CAPRIN1: variants seen among roughly 807,000 people sequenced by gnomAD.
CAPRIN1 encodes cell cycle associated protein 1, also known as caprin-1.
A neutral mutation model predicts 100.9 loss-of-function variants in CAPRIN1; 29 were observed. The ratio of observed to expected loss-of-function variants is 0.29; its 90% CI spans 0.21 to 0.39. The LOEUF is 0.39. Ranked by LOEUF, CAPRIN1 falls within the 10% of genes least tolerant of loss-of-function variation. The probability of loss-of-function intolerance (pLI) is 1.00; values close to 1 mark genes in which losing one functional copy is unlikely to be tolerated. For missense variants in CAPRIN1, 795 were observed against 876.7 expected (o/e 0.91, Z 1.18); for synonymous variants, 338 against 307.5 (o/e 1.10, Z -1.04).
At chr11:34,074,671 T>G (rs964554115) in intron 4 of CAPRIN1, among the ~76,000 whole-genome samples, 3 of 152,236 alleles carry the variant, frequency 2.0e-5, no homozygotes, top group Middle Eastern at 3.4e-3. Context: ...TCACCTGAGG[T>G]CAGAAGTTCG....
At chr11:34,058,503 TG>T (rs1850503579) in intron 2 of CAPRIN1, among the ~76,000 whole-genome samples, 1 of 152,258 alleles carries the variant, frequency 6.6e-6, no homozygotes, top group African/African-American at 2.4e-5. Context: ...GTAGTTTTCA[TG>T]TTTAATTATG....
At chr11:34,056,342 A>C (rs1850450749) in intron 2 of CAPRIN1, 1 of 152,212 alleles carries the variant, frequency 6.6e-6, no homozygotes, top group Non-Finnish European at 1.5e-5. Context: ...ACTTTAAAAA[A>C]CAAAGTTGTT....
chr11:34,098,572 G>A (rs1851405498), intron 18 of CAPRIN1: 5 of 985,196 alleles, frequency 5.1e-6, no homozygotes, highest in Non-Finnish European at 4.8e-6. Context: ...GAATTACAAC[G>A]TACTTTGATT....
chr11:34,099,280 CA>C, intron 18 of CAPRIN1, 22 bp from the exon 19 acceptor site: 1 of 1,612,210 alleles, frequency 6.2e-7, no homozygotes, highest in Non-Finnish European at 8.5e-7. Context: ...AAAGAAAAAT[CA>C]AATGCCATTT....
rs755224100 is a variant in CAPRIN1, at chr11:34,082,956, A to T, written c.881A>T (p.Tyr294Phe). 4.3e-6 allele frequency: 7 copies of T among 1,613,966 alleles called. No individual in the cohort carries two copies. The South Asian group carries it at 7.7e-5, about 18-fold the overall frequency. The change falls in exon 9 of 19, where the codon TAT becomes TTT. Residue 294 changes from tyrosine to phenylalanine, a missense_variant and splice_region_variant. Tyr to Phe is a conservative substitution (Grantham distance 22). Transcript: ENST00000341394. The part of the protein sequence containing the change: ...TEQSEVESTE[Y>F]VNRQFMAETQ... ...TCAAACATTTACTTTGCTTTGCAGT[A>T]TGTAAATAGACAGTTCATGGCAGAA...
Position 34,052,656 on chromosome 11 carries a change from A to G in CAPRIN1, c.216+20A>G. On this transcript the variant is annotated intron_variant, in intron 2 of 18. Coordinates refer to ENST00000341394, the MANE Select transcript of CAPRIN1 (RefSeq NM_005898.5). ...AAAAAGGTGCCAGGAGTTGGCGGGGAAGGGAGGGGTGGCTGCGGCCGGGCT... is the reference window on the plus strand; with the variant it reads ...AAAAAGGTGCCAGGAGTTGGCGGGGGAGGGAGGGGTGGCTGCGGCCGGGCT... 1 of 1,589,576 alleles carries G rather than the reference A, an allele frequency of 6.3e-7. No individual in the cohort carries two copies. Among genetic ancestry groups the G allele is most frequent in the Non-Finnish European group, 8.6e-7 (1 of 1,167,342 alleles).
rs150232328 is a variant in CAPRIN1, at chr11:34,102,097, A to G, written c.*2730A>G. ...AAACAAATATCCTTTAAGTATTTCTAATCAGTTAGCTTCTACAGTTCTTTT... is the reference window on the plus strand; with the variant it reads ...AAACAAATATCCTTTAAGTATTTCTGATCAGTTAGCTTCTACAGTTCTTTT... On this transcript the variant is annotated 3_prime_UTR_variant, in exon 19 of 19. Transcript: ENST00000341394. Among the ~76,000 whole-genome samples, 658 of 152,336 alleles carry G rather than the reference A, an allele frequency of 4.3e-3. 6 individuals are homozygous for G. The highest frequency in any genetic ancestry group is 0.015 in the African/African-American group (614 of 41,566).
At chr11:34,091,848 C>T in intron 14 of CAPRIN1, 58 bp from the exon 15 acceptor site, 3 of 1,492,398 alleles carry the variant, frequency 2.0e-6, no homozygotes, top group Non-Finnish European at 2.7e-6. Context: ...TGAGTTTGGC[C>T]ATGTTATAAA....
intron 2 of CAPRIN1, among the ~76,000 whole-genome samples, chr11:34,058,211 ACTGCAAC>A (rs1451157948): frequency 1.5e-4 from 23 of 152,016 alleles, no homozygotes; most frequent in Non-Finnish European, 3.4e-4. Context: ...ATCTCAGCTC[ACTGCAAC>A]CTCTGCCTCC....
rs376471525 is a variant in CAPRIN1, at chr11:34,097,743, C to G, written c.2047C>G (p.Pro683Ala). Residue 683 changes from proline (P) to alanine (A), a missense_variant, in exon 18 of 19, where the codon CCA (proline) becomes GCA (alanine). Around this residue, in one of 3 missense-constraint regions of CAPRIN1, gnomAD observed 648 missense variants for 697.9 expected, o/e 0.93. Coordinates refer to ENST00000341394, the MANE Select transcript of CAPRIN1 (RefSeq NM_005898.5). Reference sequence around the variant, plus strand: ...CAAGCGAGGCTCTGGGCAGAGTGGACCACGGGGAGCCCCACGAGGTAATAT... The same window carrying G: ...CAAGCGAGGCTCTGGGCAGAGTGGAGCACGGGGAGCCCCACGAGGTAATAT... ...NFKRGSGQSG[P>A]RGAPRGRGGP... 7.1e-5 allele frequency: 114 copies of G among 1,613,896 alleles called. No homozygotes were observed. The highest frequency in any genetic ancestry group is 9.2e-5 in the Non-Finnish European group (108 of 1,179,930).
chr11:34,074,804 A>G (rs74492778), intron 4 of CAPRIN1, among the ~76,000 whole-genome samples: 15,551 of 152,268 alleles, frequency 0.1, 865 homozygotes, highest in African/African-American at 0.15. Context: ...GAATTCGAGA[A>G]GTAGAGGTGT....
At chr11:34,079,542 C>T in intron 6 of CAPRIN1, 86 bp from the exon 7 acceptor site, 1 of 1,094,470 alleles carries the variant, frequency 9.1e-7, no homozygotes, top group South Asian at 1.5e-5. Context: ...ATTTTTTAAT[C>T]ACAATATTTT....
chr11:34,098,023 A>C lies in CAPRIN1; in HGVS notation c.2065+262A>C. 4 of 1,151,668 alleles carry C rather than the reference A, an allele frequency of 3.5e-6. No individual in the cohort carries two copies. The South Asian group carries it at 1.1e-4, about 31-fold the overall frequency. 71.3% of individuals were successfully genotyped at this position (1,151,668 alleles called of 1,614,324 possible). On this transcript the variant is annotated intron_variant, in intron 18 of 18. Transcript: ENST00000341394. ...CTCAGAAAAAGTGTTTTTCCAACTG[A>C]AAATTATTTTTCAGGTCCTAAAACC... is the stretch of plus-strand genomic sequence containing the variant.
chr11:34,086,667 A>G (rs962788764), intron 11 of CAPRIN1, among the ~76,000 whole-genome samples: 2 of 152,214 alleles, frequency 1.3e-5, no homozygotes, highest in African/African-American at 4.8e-5. Context: ...GAGTTTTTAT[A>G]AACTGAAAAC....
At chr11:34,077,203 T>C (rs1234898379) in intron 6 of CAPRIN1, among the ~76,000 whole-genome samples, 2 of 152,262 alleles carry the variant, frequency 1.3e-5, no homozygotes, top group Admixed American at 6.5e-5. Context: ...GGGAATATGA[T>C]AGTCCTAACT....
Position 34,086,335 on chromosome 11 carries a change from C to CT in CAPRIN1, c.1155dup (p.Asp386Ter). On this transcript the variant is annotated frameshift_variant, in exon 11 of 19. Transcript: ENST00000341394. LOFTEE classifies it high-confidence loss of function. ...AATGCTGGATTTTGAAAATCAGACA[C>CT]TTGATCCTGCCATTGTATCTGCACA... 6.2e-7 allele frequency: 1 copy of CT among 1,613,854 alleles called. No homozygotes were observed. The highest frequency in any genetic ancestry group is 2.2e-5 in the East Asian group (1 of 44,886).
At chr11:34,089,878 G>A (rs1851229208) in intron 12 of CAPRIN1, 1 of 195,166 alleles carries the variant, frequency 5.1e-6, no homozygotes, top group Non-Finnish European at 1.0e-5. Context: ...GAGAATTTCA[G>A]AAGACATAGT....
At chr11:34,087,630 G>A (rs534561587) in intron 11 of CAPRIN1, among the ~76,000 whole-genome samples, 1 of 122,746 alleles carries the variant, frequency 8.1e-6, no homozygotes, top group Admixed American at 7.6e-5. Context: ...ACCGCGCCCG[G>A]CTCTCACATT....
In CAPRIN1 at chr11:34,076,410, G is replaced by C. The variant is rs774835749; in HGVS notation, c.541G>C (p.Glu181Gln). ...GAATGGAGTGCCAATATTGTCCGAA[G>C]AGGAGTTGTCATTGTTGGATGAATT... ...GLNGVPILSE[E>Q]ELSLLDEFYK... The change falls in exon 5 of 19, where the codon GAG becomes CAG. Residue 181 changes from glutamate to glutamine, a missense_variant. Glu to Gln is a conservative substitution (Grantham distance 29). This residue lies in a region of CAPRIN1 where 648 missense variants were observed against 697.9 expected (regional missense o/e 0.93). Coordinates refer to ENST00000341394, the MANE Select transcript of CAPRIN1 (RefSeq NM_005898.5). 6.2e-7 allele frequency: 1 copy of C among 1,614,242 alleles called. No individual in the cohort carries two copies. Among genetic ancestry groups the C allele is most frequent in the Non-Finnish European group, 8.5e-7 (1 of 1,180,044 alleles).
Sources: allele counts gnomAD v4.1 joint callset (sites outside exome capture counted in the v4.1 genomes callset), GRCh38; gene constraint gnomAD v4.1.1; regional missense constraint gnomAD v4.1.1; transcripts MANE v1.5; gene names NCBI Gene and HGNC (gene_info 2026-07-23, HGNC 2026-07-21).